STPG2: variants seen among roughly 807,000 people sequenced by gnomAD.
STPG2 encodes sperm-tail PG-rich repeat-containing protein 2.
Under a neutral mutation model 54.2 loss-of-function variants are expected in STPG2, and 56 were observed. The observed-to-expected ratio is 1.03, with a 90% CI of 0.83 to 1.29. STPG2 has a LOEUF of 1.29. Among genes scored for constraint, STPG2 ranks in the 50% most tolerant of loss-of-function variants. The pLI is 0.00. For missense variants in STPG2, 596 were observed against 544.9 expected, an observed-to-expected ratio of 1.09 and a Z score of -0.93; for synonymous variants, 200 against 181.8, an observed-to-expected ratio of 1.10 and a Z score of -0.81.
At chr4:98,110,176 G>GC (rs59165834) in intron 3 of STPG2, among the ~76,000 whole-genome samples, 59,274 of 151,530 alleles carry the variant, frequency 0.39, 11,813 homozygotes, top group Middle Eastern at 0.46. Context: ...GTAAGAGAGA[G>GC]CCCCCCCAGC....
intron 9 of STPG2, among the ~76,000 whole-genome samples, chr4:97,757,713 G>A (rs556612152): frequency 1.6e-4 from 25 of 151,978 alleles, no homozygotes; most frequent in Middle Eastern, 3.4e-3. Flanking sequence ...CATTATTAAC[G>A]GTCAGTAAGT....
At chr4:97,443,679 T>C (rs1729147265) in intron 4 of STPG2, among the ~76,000 whole-genome samples, 1 of 152,134 alleles carries the variant, frequency 6.6e-6, no homozygotes, top group Non-Finnish European at 1.5e-5. Flanking sequence ...ACTGGAAAAG[T>C]AGGTCTGCCC....
intron 9 of STPG2, among the ~76,000 whole-genome samples, chr4:97,836,946 C>T (rs969643151): frequency 2.7e-5 from 4 of 150,614 alleles, no homozygotes; most frequent in Non-Finnish European, 4.4e-5. Context: ...AGAATATTTA[C>T]TGTATCACAA....
At chr4:97,560,746 C>T (rs1456270726) in intron 10 of STPG2, among the ~76,000 whole-genome samples, 1 of 152,072 alleles carries the variant, frequency 6.6e-6, no homozygotes, top group Non-Finnish European at 1.5e-5. Flanking sequence ...GCCAGTACAA[C>T]ATAGTAAAGA....
chr4:97,991,903 TC>T (rs1735031099), intron 5 of STPG2, among the ~76,000 whole-genome samples: 1 of 152,174 alleles, frequency 6.6e-6, no homozygotes, highest in South Asian at 2.1e-4. Context: ...TTGTATATCT[TC>T]TTTTGAGAAT....
intron 2 of STPG2, among the ~76,000 whole-genome samples, chr4:98,131,197 T>A (rs1045225198): frequency 1.3e-5 from 2 of 152,080 alleles, no homozygotes; most frequent in Admixed American, 1.3e-4. Context: ...CAAGATCAGG[T>A]CCAATTTGTT....
chr4:97,522,441 C>A (rs1203806122), intron 4 of STPG2, among the ~76,000 whole-genome samples: 1 of 151,924 alleles, frequency 6.6e-6, no homozygotes, highest in Middle Eastern at 3.4e-3. Flanking sequence ...GACACTTTTC[C>A]CAGTGTTTTA....
At chr4:97,930,932 A>T (rs1038915342) in intron 8 of STPG2, among the ~76,000 whole-genome samples, 1 of 151,948 alleles carries the variant, frequency 6.6e-6, no homozygotes, top group Non-Finnish European at 1.5e-5. Context: ...TAGGTATTTT[A>T]TTCTTTTTGT....
chr4:97,523,465 G>T (rs1171591168), intron 4 of STPG2, among the ~76,000 whole-genome samples: 3 of 151,844 alleles, frequency 2.0e-5, no homozygotes, highest in Non-Finnish European at 4.4e-5. Flanking sequence ...CCCTTTCAAG[G>T]CAAGGCTATG....
chr4:97,709,809 A>C (rs1170124728), intron 10 of STPG2, among the ~76,000 whole-genome samples: 2 of 151,948 alleles, frequency 1.3e-5, no homozygotes, highest in Non-Finnish European at 2.9e-5. Context: ...GAATCAATAA[A>C]ATTTACTGTT....
At chr4:97,644,187 T>C (rs536686603) in intron 10 of STPG2, among the ~76,000 whole-genome samples, 1 of 152,000 alleles carries the variant, frequency 6.6e-6, no homozygotes, top group Middle Eastern at 3.4e-3. Context: ...ATGGGCATGC[T>C]TATATATTAT....
intron 9 of STPG2, among the ~76,000 whole-genome samples, chr4:97,773,994 G>GGTGTGTGTGTGTGTGTGTGTGTGT (rs34968031): frequency 6.8e-6 from 1 of 147,252 alleles, no homozygotes; most frequent in South Asian, 2.2e-4. Context: ...TAAAATATAG[G>GGTGTGTGTGTGTGTGTGTGTGTGT]GTGTGTGTGT....
At chr4:97,687,319 TC>T (rs1723228426) in intron 10 of STPG2, among the ~76,000 whole-genome samples, 1 of 94,520 alleles carries the variant, frequency 1.1e-5, no homozygotes, top group South Asian at 4.3e-4. Context: ...ATGCACTGAA[TC>T]TTTTTTTTTT....
intron 9 of STPG2, among the ~76,000 whole-genome samples, chr4:97,828,409 C>G (rs1168524405): frequency 6.6e-6 from 1 of 152,202 alleles, no homozygotes; most frequent in Non-Finnish European, 1.5e-5. Context: ...AGGAGATTCC[C>G]TCCAGTGCCT....
intron 10 of STPG2, among the ~76,000 whole-genome samples, chr4:97,573,754 A>G (rs988850877): frequency 6.6e-6 from 1 of 152,124 alleles, no homozygotes; most frequent in Admixed American, 6.6e-5. Context: ...AGCATGGCTT[A>G]GTGGAAATTA....
At position 97,712,716 on chromosome 4, in the gene STPG2, C is replaced by T; in HGVS notation, c.1303G>A (p.Gly435Ser). 1 of 1,592,472 alleles carries T rather than the reference C, an allele frequency of 6.3e-7. No homozygotes were observed. ...RFEESKEITP[G>S]PATYEISQEK... The stretch of plus-strand genomic sequence containing the variant: ...TGACAAACCTCATATGTTGCTGGGC[C>T]TGGAGTAATCTCTTTGGACTCTTCA... The change falls in exon 10 of 11, where the codon GGC (glycine) becomes AGC (serine). Residue 435 changes from glycine (G) to serine (S), a missense_variant. Gly to Ser is a moderately conservative substitution (Grantham distance 56, BLOSUM62 0). Coordinates refer to ENST00000295268, the MANE Select transcript of STPG2 (RefSeq NM_174952.3).
At chr4:97,928,486 T>C (rs775965857) in intron 8 of STPG2, among the ~76,000 whole-genome samples, 2 of 152,194 alleles carry the variant, frequency 1.3e-5, no homozygotes, top group Non-Finnish European at 1.5e-5. Context: ...TTCAAAATAA[T>C]ACCTTCACTT....
At chr4:98,009,729 A>G (rs533812156) in intron 5 of STPG2, among the ~76,000 whole-genome samples, 34 of 152,144 alleles carry the variant, frequency 2.2e-4, no homozygotes, top group African/African-American at 7.7e-4. Context: ...TTCTCCCTTG[A>G]TATCTGTTAA....
At chr4:97,559,671 AT>A (rs1732173458) in intron 10 of STPG2, among the ~76,000 whole-genome samples, 2 of 152,212 alleles carry the variant, frequency 1.3e-5, no homozygotes, top group Admixed American at 1.3e-4. Context: ...AACATTAGTT[AT>A]TTTGCACTGA....
Sources: allele counts gnomAD v4.1 joint callset (sites outside exome capture counted in the v4.1 genomes callset), GRCh38; gene constraint gnomAD v4.1.1; transcripts MANE v1.5; gene names NCBI Gene and HGNC (gene_info 2026-07-23, HGNC 2026-07-21).